The following MARCHF1 variants were observed in gnomAD, a reference collection of about 807,000 sequenced individuals.
The protein encoded by MARCHF1 is E3 ubiquitin-protein ligase MARCHF1.
Under a neutral mutation model 54.2 loss-of-function variants are expected in MARCHF1, and 40 were observed. That is an observed-to-expected ratio of 0.74 (90% CI 0.57 to 0.96). MARCHF1 has a LOEUF of 0.96. Ranked by LOEUF, MARCHF1 falls within the 40% of genes least tolerant of loss-of-function variation. The pLI, the probability that MARCHF1 is intolerant of heterozygous loss-of-function variation, is 0.00. For missense variants in MARCHF1, 586 were observed against 656.5 expected (o/e 0.89, Z 1.17); for synonymous variants, 236 against 236.3 (o/e 1.00, Z 0.01).
intron 1 of MARCHF1, among the ~76,000 whole-genome samples, chr4:164,221,541 T>C (rs1194376366): frequency 6.6e-6 from 1 of 152,066 alleles, no homozygotes; most frequent in Non-Finnish European, 1.5e-5. Flanking sequence ...TCATTAGAAA[T>C]TATTTTAGCT....
intron 1 of MARCHF1, among the ~76,000 whole-genome samples, chr4:164,217,600 C>A (rs1731969572): frequency 6.6e-6 from 1 of 152,092 alleles, no homozygotes; most frequent in Non-Finnish European, 1.5e-5. Flanking sequence ...GTTATGACAC[C>A]TTGGATGATA....
At chr4:163,563,236 ATTAAC>A (rs1739530218) in intron 8 of MARCHF1, among the ~76,000 whole-genome samples, 1 of 152,188 alleles carries the variant, frequency 6.6e-6, no homozygotes, top group Non-Finnish European at 1.5e-5. Context: ...GTTTTACATT[ATTAAC>A]TTAATTCTCA....
chr4:163,598,284 G>A (rs900099159), intron 7 of MARCHF1, among the ~76,000 whole-genome samples: 5 of 152,158 alleles, frequency 3.3e-5, no homozygotes, highest in Non-Finnish European at 5.9e-5. Flanking sequence ...TGAGCCTTTT[G>A]CAATGCCTGT....
chr4:164,205,980 A>C (rs1165413259), intron 1 of MARCHF1, among the ~76,000 whole-genome samples: 1 of 152,192 alleles, frequency 6.6e-6, no homozygotes, highest in Non-Finnish European at 1.5e-5. Flanking sequence ...AATAATATGA[A>C]ACAAAAACTA....
chr4:164,238,726 T>C lies in MARCHF1; in HGVS notation c.-322-127064A>G, dbSNP rs183217090. 5.9e-4 allele frequency among the ~76,000 whole-genome samples: 90 copies of C among 152,118 alleles called. 1 individual carries two copies. The highest frequency in any genetic ancestry group is 1.1e-3 in the Non-Finnish European group (78 of 67,912). On this transcript the variant is annotated intron_variant, in intron 1 of 9. Coordinates refer to ENST00000514618, the MANE Select transcript of MARCHF1 (RefSeq NM_001394959.1). ...AATTATGTTTAATGAATAGTATTTA[T>C]AAATATATGAAACAAAACCCTAATT...
At chr4:164,159,739 TATC>T (rs1730179885) in intron 1 of MARCHF1, among the ~76,000 whole-genome samples, 1 of 152,188 alleles carries the variant, frequency 6.6e-6, no homozygotes, top group Admixed American at 6.6e-5. Context: ...TGGGGAAAGT[TATC>T]AGCGATGGAA....
intron 4 of MARCHF1, among the ~76,000 whole-genome samples, chr4:163,852,354 C>T (rs1054421862): frequency 2.0e-5 from 3 of 152,046 alleles, no homozygotes; most frequent in African/African-American, 4.8e-5. Context: ...TTTTGATCTG[C>T]GATTCCATGA....
At chr4:163,914,020 T>A (rs1171853086) in intron 3 of MARCHF1, among the ~76,000 whole-genome samples, 1 of 152,034 alleles carries the variant, frequency 6.6e-6, no homozygotes, top group Non-Finnish European at 1.5e-5. Flanking sequence ...TGTCTATTCA[T>A]AGAAATAAGT....
chr4:163,908,593 A>C (rs1203851776), intron 3 of MARCHF1, among the ~76,000 whole-genome samples: 2 of 152,168 alleles, frequency 1.3e-5, no homozygotes, highest in South Asian at 4.1e-4. Context: ...AAGAATGTAG[A>C]TTAGATGATG....
intron 4 of MARCHF1, among the ~76,000 whole-genome samples, chr4:163,703,091 T>G (rs1403511539): frequency 1.3e-5 from 2 of 152,156 alleles, no homozygotes; most frequent in African/African-American, 4.8e-5. Context: ...GAAATCTGTG[T>G]AAGGAACAAA....
intron 3 of MARCHF1, among the ~76,000 whole-genome samples, chr4:163,894,622 TGTGATGC>T (rs1750740846): frequency 8.4e-5 from 12 of 142,184 alleles, no homozygotes; most frequent in African/African-American, 2.3e-4. Context: ...TATATATGCA[TGTGATGC>T]ATATATATAT....
chr4:163,848,774 CA>C (rs1389281569), intron 4 of MARCHF1, among the ~76,000 whole-genome samples: 2 of 152,112 alleles, frequency 1.3e-5, no homozygotes, highest in African/African-American at 4.8e-5. Flanking sequence ...CCAAACCCCT[CA>C]AGGTTATTAT....
intron 4 of MARCHF1, among the ~76,000 whole-genome samples, chr4:163,764,538 G>A (rs376810937): frequency 5.3e-5 from 8 of 151,936 alleles, no homozygotes; most frequent in East Asian, 1.9e-4. Flanking sequence ...TAGTTTTTAC[G>A]TTAAGAAAAT....
chr4:163,554,845 C>T lies in MARCHF1; in HGVS notation c.1192-9102G>A, dbSNP rs1739231919. 1.3e-5 allele frequency among the ~76,000 whole-genome samples: 2 copies of T among 152,114 alleles called. 1 individual carries two copies. Among genetic ancestry groups the T allele is most frequent in the South Asian group, 4.1e-4 (2 of 4,832 alleles). On this transcript the variant is annotated intron_variant, in intron 8 of 9. Coordinates refer to ENST00000514618, the MANE Select transcript of MARCHF1 (RefSeq NM_001394959.1). Reference sequence around the variant, plus strand: ...TCAACTAAATGATGATTAAGAATTTCTCTACAAAATATATGCACATTACTT... The same window carrying T: ...TCAACTAAATGATGATTAAGAATTTTTCTACAAAATATATGCACATTACTT...
chr4:164,316,267 C>T (rs1734994476), intron 1 of MARCHF1, among the ~76,000 whole-genome samples: 1 of 152,100 alleles, frequency 6.6e-6, no homozygotes, highest in South Asian at 2.1e-4. Flanking sequence ...GTAGCAATGA[C>T]TTCTTTGTTT....
chr4:164,108,190 C>G (rs937200693), intron 2 of MARCHF1, among the ~76,000 whole-genome samples: 2 of 152,084 alleles, frequency 1.3e-5, no homozygotes, highest in African/African-American at 4.8e-5. Context: ...AACTTTATCT[C>G]CTTAGCATTG....
intron 4 of MARCHF1, among the ~76,000 whole-genome samples, chr4:163,712,311 G>A (rs1376824102): frequency 6.6e-6 from 1 of 152,252 alleles, no homozygotes; most frequent in East Asian, 1.9e-4. Context: ...ACACACACAA[G>A]TGTATGTATA....
intron 1 of MARCHF1, among the ~76,000 whole-genome samples, chr4:164,176,144 C>T (rs1052976180): frequency 6.6e-6 from 1 of 152,082 alleles, no homozygotes; most frequent in African/African-American, 2.4e-5. Context: ...TTAGTATGGC[C>T]TGAAAATCCC....
chr4:164,262,872 A>G (rs1733505645), intron 1 of MARCHF1, among the ~76,000 whole-genome samples: 1 of 152,238 alleles, frequency 6.6e-6, no homozygotes, highest in Non-Finnish European at 1.5e-5. Context: ...GAGTGATTGA[A>G]GTTTAGAATA....
Sources: allele counts gnomAD v4.1 joint callset (sites outside exome capture counted in the v4.1 genomes callset), GRCh38; gene constraint gnomAD v4.1.1; transcripts MANE v1.5; gene names NCBI Gene and HGNC (gene_info 2026-07-23, HGNC 2026-07-21).